Variants in CDCA7L observed in about 807,000 individuals in gnomAD.
CDCA7L encodes the protein cell division cycle associated 7 like.
A neutral mutation model predicts 57.4 loss-of-function variants in CDCA7L; 44 were observed. The observed-to-expected ratio is 0.77, with a 90% CI of 0.60 to 0.98. The LOEUF (loss-of-function observed/expected upper bound fraction) is 0.98, where lower values mean the gene tolerates loss of function less well. Ranked by LOEUF, CDCA7L falls within the 50% of genes least tolerant of loss-of-function variation. The pLI is 0.00. For synonymous variants in CDCA7L, 236 were observed against 202.8 expected, an observed-to-expected ratio of 1.16 and a Z score of -1.39; for missense variants, 644 against 580.6, an observed-to-expected ratio of 1.11 and a Z score of -1.12.
intron 2 of CDCA7L, among the ~76,000 whole-genome samples, chr7:21,914,257 T>A (rs1302209951): frequency 1.3e-5 from 2 of 152,166 alleles, no homozygotes; most frequent in Non-Finnish European, 2.9e-5. Context: ...GGTGGGGTGT[T>A]GGATGCTTGA....
chr7:21,934,082 C>T (rs916074762), intron 1 of CDCA7L, among the ~76,000 whole-genome samples: 5 of 152,056 alleles, frequency 3.3e-5, no homozygotes, highest in Non-Finnish European at 5.9e-5. Context: ...GTCACTACAC[C>T]GTAACTTTGT....
rs773780773 is a variant in CDCA7L at position 21,945,852 on chromosome 7, C to T, written c.-48G>A. On this transcript the variant is annotated 5_prime_UTR_variant, in exon 1 of 10. Coordinates refer to ENST00000406877, the MANE Select transcript of CDCA7L (RefSeq NM_018719.5). ...TCCTCCCAGCACGCGGCCACGGGAG[C>T]CCGGACTCACCACGGCCCGGCGCAC... The T allele has an allele frequency of 1.3e-6, 2 of 1,572,938 alleles. No homozygotes were observed. The highest frequency in any genetic ancestry group is 2.5e-5 in the East Asian group (1 of 40,556).
chr7:21,911,057 T>G (rs1785309408), intron 3 of CDCA7L, among the ~76,000 whole-genome samples: 1 of 129,820 alleles, frequency 7.7e-6, no homozygotes, highest in Non-Finnish European at 1.6e-5. Flanking sequence ...TGAGATGGAG[T>G]CTCGCTCTGT....
chr7:21,925,853 A>G (rs1456619192), intron 1 of CDCA7L, among the ~76,000 whole-genome samples: 1 of 152,164 alleles, frequency 6.6e-6, no homozygotes, highest in Non-Finnish European at 1.5e-5. Flanking sequence ...TGCCACTGTA[A>G]CAGAGGAAGA....
intron 1 of CDCA7L, among the ~76,000 whole-genome samples, chr7:21,942,003 G>A (rs922391141): frequency 1.3e-5 from 2 of 152,200 alleles, no homozygotes; most frequent in Non-Finnish European, 2.9e-5. Context: ...GAGGAAGGGA[G>A]TTCAAGCATG....
rs1784887770 is a variant in CDCA7L, at chr7:21,901,871, C to CCAAGAG, written c.*445_*450dup. ...TTTGTTCAGTGTAAATTTCCAATGA[C>CCAAGAG]CAAGAGCAGGTTAAACGATGTGTGT... On this transcript the variant is annotated 3_prime_UTR_variant, in exon 10 of 10. Coordinates refer to ENST00000406877, the MANE Select transcript of CDCA7L (RefSeq NM_018719.5). 2.8e-5 allele frequency: 5 copies of CCAAGAG among 179,580 alleles called. No homozygotes were observed. In the South Asian group the frequency reaches 6.6e-4, roughly 24 times the overall value. The allele number at this position is 179,580 out of a possible 1,614,324, so 11.1% of individuals were successfully genotyped here.
chr7:21,908,458 T>A lies in CDCA7L; in HGVS notation c.353A>T (p.Glu118Val). Residue 118 changes from glutamate (E) to valine (V), a missense_variant, in exon 4 of 10, where the codon GAG (glutamate) becomes GTG (valine). Glu to Val is a moderately radical substitution (Grantham distance 121). Transcript: ENST00000406877. ...ATCTTCTTCTTCATCTTCCTCTTCC[T>A]CGCTCACCAAAGATGCTTTGCCATC... ...SDDGKASLVS[E>V]EEEDEEEDKA... The A allele has an allele frequency of 3.8e-6, 6 of 1,558,932 alleles. No homozygotes were observed. The highest frequency in any genetic ancestry group is 5.2e-6 in the Non-Finnish European group (6 of 1,160,200).
At chr7:21,938,098 C>A (rs544182798) in intron 1 of CDCA7L, among the ~76,000 whole-genome samples, 8 of 152,124 alleles carry the variant, frequency 5.3e-5, no homozygotes, top group African/African-American at 1.7e-4. Context: ...GCAAAGGGCG[C>A]TATCAAGACA....
Position 21,901,088 on chromosome 7 carries a change from C to T in CDCA7L, c.*1234G>A, listed in dbSNP as rs776854539. 6.2e-7 allele frequency: 1 copy of T among 1,613,966 alleles called. No individual in the cohort carries two copies. Among genetic ancestry groups the T allele is most frequent in the Non-Finnish European group, 8.5e-7 (1 of 1,179,842 alleles). On this transcript the variant is annotated 3_prime_UTR_variant, in exon 10 of 10. Transcript: ENST00000406877. ...GCATGCCCTATGCCGGTCATCTTTG[C>T]AAAAGCCACCCCCGTGGACAGACAA...
Position 21,900,917 on chromosome 7 carries a change from T to TTGAA in CDCA7L, c.*1401_*1404dup. The TTGAA allele has an allele frequency of 1.4e-6, 2 of 1,456,658 alleles. No individual in the cohort carries two copies. Among genetic ancestry groups the TTGAA allele is most frequent in the African/African-American group, 3.1e-5 (2 of 64,240 alleles). The allele number at this position is 1,456,658 out of a possible 1,614,324, so 90.2% of individuals were successfully genotyped here. Reference sequence around the variant, plus strand: ...GCAAAAATATGACAAAACCAGAATGTTGAATGTTTATTGCATCAAACAACT... The same window carrying TTGAA: ...GCAAAAATATGACAAAACCAGAATGTTGAATGAATGTTTATTGCATCAAACAACT... On this transcript the variant is annotated 3_prime_UTR_variant, in exon 10 of 10. Coordinates refer to ENST00000406877, the MANE Select transcript of CDCA7L (RefSeq NM_018719.5).
At chr7:21,931,979 A>C (rs1181800250) in intron 1 of CDCA7L, among the ~76,000 whole-genome samples, 2 of 152,246 alleles carry the variant, frequency 1.3e-5, no homozygotes, top group African/African-American at 4.8e-5. Context: ...ATACAAAATT[A>C]ATGTGCAAAA....
Position 21,941,516 on chromosome 7 carries a change from G to C in CDCA7L, c.24+4265C>G, listed in dbSNP as rs946315315. Among the ~76,000 whole-genome samples the C allele has an allele frequency of 2.0e-5, 3 of 152,224 alleles. 1 individual carries two copies. The highest frequency in any genetic ancestry group is 4.8e-5 in the African/African-American group (2 of 41,462). ...TGTACAATGCAAATTTCACATAAAAGTCATTCCTATGTAAAAGCTTGGTGG... is the reference window on the plus strand; with the variant it reads ...TGTACAATGCAAATTTCACATAAAACTCATTCCTATGTAAAAGCTTGGTGG... On this transcript the variant is annotated intron_variant, in intron 1 of 9. Transcript: ENST00000406877.
intron 1 of CDCA7L, among the ~76,000 whole-genome samples, chr7:21,945,227 G>T (rs1786482790): frequency 6.6e-6 from 1 of 152,018 alleles, no homozygotes; most frequent in South Asian, 2.1e-4. Flanking sequence ...GTTTAACTCG[G>T]CCCAATGACG....
At chr7:21,904,782 G>C (rs576963013) in intron 7 of CDCA7L, among the ~76,000 whole-genome samples, 3 of 147,636 alleles carry the variant, frequency 2.0e-5, no homozygotes, top group South Asian at 2.2e-4. Context: ...TCACAGGTCT[G>C]TGGCCAGAGA....
chr7:21,902,165 G>C lies in CDCA7L; in HGVS notation c.*157C>G. 2 of 717,220 alleles carry C rather than the reference G, an allele frequency of 2.8e-6. No homozygotes were observed. Among genetic ancestry groups the C allele is most frequent in the Admixed American group, 2.4e-5 (1 of 41,484 alleles). 44.4% of individuals were successfully genotyped at this position (717,220 alleles called of 1,614,324 possible). On this transcript the variant is annotated 3_prime_UTR_variant, in exon 10 of 10. Transcript: ENST00000406877. ...TCTGCTGTCTTCCTGAGAAATCTTTGTAAGCATATAAACAATCTTTAACAA... is the reference window on the plus strand; with the variant it reads ...TCTGCTGTCTTCCTGAGAAATCTTTCTAAGCATATAAACAATCTTTAACAA...
Position 21,908,256 on chromosome 7 carries a change from G to GTCTT in CDCA7L, c.551_554dup (p.Asp185GlufsTer4), listed in dbSNP as rs759717318. The GTCTT allele has an allele frequency of 6.2e-7, 1 of 1,613,664 alleles. No individual in the cohort carries two copies. Among genetic ancestry groups the GTCTT allele is most frequent in the Non-Finnish European group, 8.5e-7 (1 of 1,179,932 alleles). The stretch of plus-strand genomic sequence containing the variant: ...CTTCCCTTTGTATCACCTGTCTACA[G>GTCTT]TCTTTCTTTCTTTCAAGAATTGTTT... On this transcript the variant is annotated frameshift_variant, in exon 4 of 10. Coordinates refer to ENST00000406877, the MANE Select transcript of CDCA7L (RefSeq NM_018719.5). LOFTEE classifies it high-confidence loss of function.
At chr7:21,923,418 A>G (rs989896321) in intron 1 of CDCA7L, among the ~76,000 whole-genome samples, 3 of 152,028 alleles carry the variant, frequency 2.0e-5, no homozygotes, top group Non-Finnish European at 4.4e-5. Context: ...GGTTGAGCCC[A>G]TGAGTTAGAG....
chr7:21,902,760 G>T, intron 9 of CDCA7L: 1 of 531,562 alleles, frequency 1.9e-6, no homozygotes. Flanking sequence ...AGGCAACGTG[G>T]AGTTGAGTTG....
In CDCA7L at chr7:21,906,521, G is replaced by T. The variant is rs200255145; in HGVS notation, c.753+47C>A. 3 of 1,612,226 alleles carry T rather than the reference G, an allele frequency of 1.9e-6. No homozygotes were observed. In the African/African-American group the frequency reaches 4.0e-5, roughly 22 times the overall value. Reference sequence around the variant, plus strand: ...CTCGAATAAAAGCCGTCTGGTGGCTGATCACCATATATCAGTATTGGTATA... The same window carrying T: ...CTCGAATAAAAGCCGTCTGGTGGCTTATCACCATATATCAGTATTGGTATA... On this transcript the variant is annotated intron_variant, in intron 5 of 9. Transcript: ENST00000406877.
Sources: gnomAD v4.1 joint callset for allele counts (sites outside exome capture counted in the v4.1 genomes callset) on GRCh38, gnomAD v4.1.1 for gene constraint, MANE v1.5 for transcripts, NCBI Gene and HGNC (gene_info 2026-07-23, HGNC 2026-07-21) for gene names.